The following PLXNB2 variants were observed in gnomAD, a reference collection of about 807,000 sequenced individuals.
PLXNB2 encodes plexin B2.
A neutral mutation model predicts 202.6 loss-of-function variants in PLXNB2; 85 were observed. That is an observed-to-expected ratio of 0.42 (90% CI 0.35 to 0.50). The LOEUF (loss-of-function observed/expected upper bound fraction) is 0.50, where lower values mean the gene tolerates loss of function less well. Ranked by LOEUF, PLXNB2 falls within the 20% of genes least tolerant of loss-of-function variation. The pLI is 0.02. For synonymous variants in PLXNB2, 1,239 were observed against 1,137.6 expected (o/e 1.09, Z -1.79); for missense variants, 2,063 against 2,586.2 (o/e 0.80, Z 4.39).
Position 50,284,099 on chromosome 22 carries a change from C to A in PLXNB2, c.2263+33G>T. ...CCACCGCCTTGTGCCCACCCGTCCC[C>A]TGCCCGCCCCCCACTGCGCCCGTGG... On this transcript the variant is annotated intron_variant, in intron 13 of 36. Coordinates refer to ENST00000359337, the MANE Select transcript of PLXNB2 (RefSeq NM_012401.4). This position sits in a 1 kb window ranked among gnomAD's most constrained non-coding sequence, Gnocchi z 8.0. 1 of 1,597,966 alleles carries A rather than the reference C, an allele frequency of 6.3e-7. No homozygotes were observed.
In PLXNB2 at chr22:50,275,787, C is replaced by T. The variant is rs1460120176; in HGVS notation, c.5434G>A (p.Asp1812Asn). 2 of 1,612,282 alleles carry T rather than the reference C, an allele frequency of 1.2e-6. No homozygotes were observed. The highest frequency in any genetic ancestry group is 1.3e-5 in the African/African-American group (1 of 74,884). ...YDEIINALEE[D>N]PAAQKMQLAF... ...AGCTGCATCTTCTGGGCGGCAGGAT[C>T]CTCCTCCAAGGCATTGATGATCTGA... The change falls in exon 37 of 37, where the codon GAT becomes AAT. Residue 1812 changes from aspartate to asparagine, a missense_variant. Physicochemically the swap from Asp to Asn is conservative, Grantham distance 23. Coordinates refer to ENST00000359337, the MANE Select transcript of PLXNB2 (RefSeq NM_012401.4).
In PLXNB2 at chr22:50,297,525, C is replaced by T. The variant is rs2067367964; in HGVS notation, c.-73-2747G>A. 6.6e-6 allele frequency among the ~76,000 whole-genome samples: 1 copy of T among 152,190 alleles called. No homozygotes were observed. Among genetic ancestry groups the T allele is most frequent in the Non-Finnish European group, 1.5e-5 (1 of 68,046 alleles). On this transcript the variant is annotated intron_variant, in intron 1 of 36. Coordinates refer to ENST00000359337, the MANE Select transcript of PLXNB2 (RefSeq NM_012401.4). This position sits in a 1 kb window ranked among gnomAD's most constrained non-coding sequence, Gnocchi z 5.3. The stretch of plus-strand genomic sequence containing the variant: ...GATCCCTCCACCCTCAGTCTGGGGC[C>T]CTTCCTGGCCCAAGTCTACCTCCTC...
Position 50,279,988 on chromosome 22 carries a change from G to A in PLXNB2, c.4242+17C>T. 5 of 1,589,078 alleles carry A rather than the reference G, an allele frequency of 3.1e-6. No homozygotes were observed. Among genetic ancestry groups the A allele is most frequent in the Non-Finnish European group, 4.3e-6 (5 of 1,164,000 alleles). ...GCCTCATCCCTCAAGCCCCAGCCAG[G>A]CTGGGGTGGAACCCACCTTGAGGTA... On this transcript the variant is annotated intron_variant, in intron 26 of 36. Transcript: ENST00000359337.
intron 2 of PLXNB2, among the ~76,000 whole-genome samples, chr22:50,292,289 G>A (rs2066926031): frequency 1.5e-5 from 2 of 133,110 alleles, no homozygotes; most frequent in East Asian, 2.2e-4. Context: ...AGCGAGCCAA[G>A]ATTGCACCAC....
chr22:50,301,697 C>T (rs2147714839), intron 1 of PLXNB2, among the ~76,000 whole-genome samples: 1 of 152,368 alleles, frequency 6.6e-6, no homozygotes, highest in East Asian at 1.9e-4. Flanking sequence ...CCCCCGCCCA[C>T]AGCCCCCTTC....
chr22:50,280,439 C>A (rs1285451985), intron 25 of PLXNB2, 50 bp downstream of exon 25: 1 of 1,530,656 alleles, frequency 6.5e-7, no homozygotes, highest in Admixed American at 1.9e-5. Flanking sequence ...CCCCAGAGCC[C>A]CTGCGGCCGC....
At chr22:50,304,462 G>C (rs919767393) in intron 1 of PLXNB2, among the ~76,000 whole-genome samples, 1 of 152,172 alleles carries the variant, frequency 6.6e-6, no homozygotes, top group Non-Finnish European at 1.5e-5. Flanking sequence ...GGCTGGGGGA[G>C]CCCAGAACAG....
At chr22:50,303,571 C>T (rs550240484) in intron 1 of PLXNB2, among the ~76,000 whole-genome samples, 1 of 152,238 alleles carries the variant, frequency 6.6e-6, no homozygotes, top group African/African-American at 2.4e-5. Flanking sequence ...CTCAGGGGGC[C>T]GTGTTCACAC....
Position 50,289,727 on chromosome 22 carries a change from C to T in PLXNB2, c.858G>A (p.Ala286=), listed in dbSNP as rs538789586. ...FGTCLAASVA[A]PGSGRVLYAV... ...CATATAGCACCCTGCCAGAGCCAGG[C>T]GCAGCCACGGAGGCGGCCAGGCAGG... The change falls in exon 3 of 37, where the codon GCG becomes GCA. Residue 286 remains alanine (A), a synonymous_variant. Coordinates refer to ENST00000359337, the MANE Select transcript of PLXNB2 (RefSeq NM_012401.4). The surrounding 1 kb of genome is among the most constrained non-coding windows in gnomAD (Gnocchi z 8.0). 9.3e-6 allele frequency: 15 copies of T among 1,611,884 alleles called. No homozygotes were observed. Among genetic ancestry groups the T allele is most frequent in the Middle Eastern group, 1.6e-4 (1 of 6,082 alleles).
chr22:50,305,919 G>A (rs2067865979), intron 1 of PLXNB2, among the ~76,000 whole-genome samples: 1 of 152,180 alleles, frequency 6.6e-6, no homozygotes, highest in South Asian at 2.1e-4. Flanking sequence ...GCCAACCTTG[G>A]GGCTTTCTCC....
intron 18 of PLXNB2, 146 bp downstream of exon 18, chr22:50,282,565 A>T: frequency 1.4e-6 from 1 of 694,016 alleles, no homozygotes; most frequent in Non-Finnish European, 2.4e-6. Context: ...GAGGAAGTGG[A>T]TCTGGAGTGC....
Position 50,278,518 on chromosome 22 carries a change from A to G in PLXNB2, c.4649T>C (p.Val1550Ala), listed in dbSNP as rs1020608286. ...KRVNTLMHYN[V>A]RDGATLILSK... is the part of the protein sequence containing the mutation. ...CAGGATGAGGGTGGCTCCATCCCGGACCTGGGGAACACGGCGGTGAGGGTG... is the reference window on the plus strand; with the variant it reads ...CAGGATGAGGGTGGCTCCATCCCGGGCCTGGGGAACACGGCGGTGAGGGTG... The change falls in exon 30 of 37, where the codon GTC (valine) becomes GCC (alanine). Residue 1550 changes from valine (V) to alanine (A), a missense_variant and splice_region_variant. By Grantham distance (64) the Val-to-Ala change is moderately conservative. Around this residue, in one of 2 missense-constraint regions of PLXNB2, gnomAD observed 760 missense variants for 1,109.4 expected, o/e 0.69. Transcript: ENST00000359337. 6.4e-7 allele frequency: 1 copy of G among 1,573,374 alleles called. No homozygotes were observed. Among genetic ancestry groups the G allele is most frequent in the Non-Finnish European group, 8.6e-7 (1 of 1,160,138 alleles).
chr22:50,291,880 T>A lies in PLXNB2; in HGVS notation c.-13-1283A>T, dbSNP rs934930875. Reference sequence around the variant, plus strand: ...AGGTGCCAAGGGGGTCCAGACTCGATGGCAGAGGGTTACGAGGGATGGAGG... The same window carrying A: ...AGGTGCCAAGGGGGTCCAGACTCGAAGGCAGAGGGTTACGAGGGATGGAGG... On this transcript the variant is annotated intron_variant, in intron 2 of 36. Transcript: ENST00000359337. This position sits in a 1 kb window ranked among gnomAD's most constrained non-coding sequence, Gnocchi z 4.3. 6.6e-6 allele frequency among the ~76,000 whole-genome samples: 1 copy of A among 152,122 alleles called. No homozygotes were observed. The highest frequency in any genetic ancestry group is 1.5e-5 in the Non-Finnish European group (1 of 68,006).
chr22:50,280,056 C>T lies in PLXNB2; in HGVS notation c.4191G>A (p.Val1397=), dbSNP rs746681809. 1.2e-6 allele frequency: 2 copies of T among 1,609,554 alleles called. No homozygotes were observed. The highest frequency in any genetic ancestry group is 1.7e-6 in the Non-Finnish European group (2 of 1,177,934). Reference sequence around the variant, plus strand: ...ACATCCAGTTGGACAGCATCCTCTCCACCACAGTCTCAGACCTGGGGGTGC... The same window carrying T: ...ACATCCAGTTGGACAGCATCCTCTCTACCACAGTCTCAGACCTGGGGGTGC... ...KLMLRRSETV[V]ERMLSNWMSI... is the part of the protein sequence containing the mutation. Residue 1397 remains valine, a synonymous_variant, in exon 26 of 37, where the codon GTG becomes GTA. Coordinates refer to ENST00000359337, the MANE Select transcript of PLXNB2 (RefSeq NM_012401.4).
rs747645436 is a variant in PLXNB2 at position 50,283,442 on chromosome 22, G to A, written c.2574C>T (p.Ile858=). The A allele has an allele frequency of 1.1e-5, 17 of 1,612,524 alleles. No individual in the cohort carries two copies. The Admixed American group carries it at 2.0e-4, about 19-fold the overall frequency. ...TCTCCGCAGCCTCGATCACACACAC[G>A]ATCCTGGCGGGCGACAGGCAGTGTG... The part of the protein sequence containing the change: ...QPERYSVSTR[I]VCVIEAAETP... Residue 858 remains isoleucine, a synonymous_variant, in exon 16 of 37, where the codon ATC becomes ATT. Coordinates refer to ENST00000359337, the MANE Select transcript of PLXNB2 (RefSeq NM_012401.4).
rs1322525284 is a variant in PLXNB2, at chr22:50,290,264, C to A, written c.321G>T (p.Lys107Asn). ...NQLLLLDPPRKRLVECGSLFK... is the reference protein window; with the variant it reads ...NQLLLLDPPRNRLVECGSLFK... The stretch of plus-strand genomic sequence containing the variant: ...AGAGGCTGCCGCACTCCACCAGGCG[C>A]TTCCTGGGAGGGTCGAGCAGCAGCA... The change falls in exon 3 of 37, where the codon AAG becomes AAT. Residue 107 changes from lysine to asparagine, a missense_variant. Around this residue, in one of 2 missense-constraint regions of PLXNB2, gnomAD observed 1,303 missense variants for 1,476.8 expected, o/e 0.88. Transcript: ENST00000359337. 5 of 1,611,722 alleles carry A rather than the reference C, an allele frequency of 3.1e-6. No individual in the cohort carries two copies. In the African/African-American group the frequency reaches 6.7e-5, roughly 22 times the overall value.
chr22:50,278,699 G>T lies in PLXNB2; in HGVS notation c.4547-3C>A, dbSNP rs1569157800. 2 of 1,609,406 alleles carry T rather than the reference G, an allele frequency of 1.2e-6. No individual in the cohort carries two copies. Among genetic ancestry groups the T allele is most frequent in the Non-Finnish European group, 8.5e-7 (1 of 1,178,580 alleles). On this transcript the variant is annotated splice_region_variant and splice_polypyrimidine_tract_variant and intron_variant, in intron 28 of 36. Transcript: ENST00000359337. ...CGCTGTGGAGCCCGGACGCCACTCT[G>T]TGGGAAGAGACAGCCCAGCTTGGGC...
chr22:50,280,415 C>T, intron 25 of PLXNB2, 74 bp downstream of exon 25: 1 of 1,411,176 alleles, frequency 7.1e-7, no homozygotes, highest in Non-Finnish European at 9.5e-7. Context: ...GGCCGCTGTG[C>T]CACCCGCCAC....
rs2066251696 is a variant in PLXNB2, at chr22:50,284,254, C to T, written c.2182-41G>A. On this transcript the variant is annotated intron_variant, in intron 12 of 36. Coordinates refer to ENST00000359337, the MANE Select transcript of PLXNB2 (RefSeq NM_012401.4). The surrounding 1 kb of genome is among the most constrained non-coding windows in gnomAD (Gnocchi z 8.0). The stretch of plus-strand genomic sequence containing the variant: ...GGGCACACTGCACTTCCTGCCCCCA[C>T]AGAGGGGCGTGGGGCGGGGGTCACA... 1 of 1,567,694 alleles carries T rather than the reference C, an allele frequency of 6.4e-7. No individual in the cohort carries two copies. Among genetic ancestry groups the T allele is most frequent in the Non-Finnish European group, 8.8e-7 (1 of 1,139,310 alleles).
Sources: allele counts gnomAD v4.1 joint callset (sites outside exome capture counted in the v4.1 genomes callset), GRCh38; gene constraint gnomAD v4.1.1; regional missense constraint gnomAD v4.1.1; non-coding constraint Gnocchi (gnomAD v3.1); transcripts MANE v1.5; gene names NCBI Gene and HGNC (gene_info 2026-07-23, HGNC 2026-07-21).